Variants in LRMDA observed in about 807,000 individuals in gnomAD.
The protein encoded by LRMDA is leucine-rich melanocyte differentiation-associated protein.
A neutral mutation model predicts 29.8 loss-of-function variants in LRMDA; 18 were observed. The observed-to-expected ratio is 0.60, with a 90% CI of 0.42 to 0.90. The LOEUF is 0.90. Ranked by LOEUF, LRMDA falls within the 40% of genes least tolerant of loss-of-function variation. The pLI is 0.00. For synonymous variants in LRMDA, 125 were observed against 109.4 expected, an observed-to-expected ratio of 1.14 and a Z score of -0.89; for missense variants, 273 against 273.9, an observed-to-expected ratio of 1.00 and a Z score of 0.02.
At chr10:75,567,377 A>G (rs1426741741) in intron 2 of LRMDA, among the ~76,000 whole-genome samples, 2 of 152,160 alleles carry the variant, frequency 1.3e-5, no homozygotes, top group Non-Finnish European at 2.9e-5. Context: ...CTAACTAATG[A>G]TTACTTTTAG....
At chr10:76,518,134 TC>T (rs1414301537) in intron 6 of LRMDA, among the ~76,000 whole-genome samples, 1 of 151,814 alleles carries the variant, frequency 6.6e-6, no homozygotes, top group Admixed American at 6.6e-5. Context: ...CAACTATATA[TC>T]CTTTAAAATA....
intron 5 of LRMDA, among the ~76,000 whole-genome samples, chr10:76,115,290 G>A (rs987088497): frequency 6.6e-6 from 1 of 152,226 alleles, no homozygotes; most frequent in African/African-American, 2.4e-5. Context: ...ATCTTCATTT[G>A]ACTCTTCAGT....
chr10:75,580,422 A>G (rs2132076520), intron 2 of LRMDA, among the ~76,000 whole-genome samples: 1 of 152,336 alleles, frequency 6.6e-6, no homozygotes, highest in South Asian at 2.1e-4. Flanking sequence ...AAAAGAGGAC[A>G]CAAACAAATG....
chr10:76,194,287 T>C (rs1055350645), intron 5 of LRMDA, among the ~76,000 whole-genome samples: 14 of 152,284 alleles, frequency 9.2e-5, no homozygotes, highest in African/African-American at 3.1e-4. Context: ...AGCATCTCAA[T>C]TGCATCCCAT....
chr10:76,183,363 A>T (rs985809168), intron 5 of LRMDA, among the ~76,000 whole-genome samples: 1 of 152,242 alleles, frequency 6.6e-6, no homozygotes, highest in Non-Finnish European at 1.5e-5. Flanking sequence ...GATATTTGCA[A>T]TGCAGTTTAT....
chr10:75,932,414 A>G (rs1190136842), intron 2 of LRMDA, among the ~76,000 whole-genome samples: 1 of 152,142 alleles, frequency 6.6e-6, no homozygotes, highest in East Asian at 1.9e-4. Context: ...GGAGTTCAAG[A>G]CCAGCCTGGC....
intron 5 of LRMDA, among the ~76,000 whole-genome samples, chr10:76,309,574 G>T (rs1025876235): frequency 6.6e-6 from 1 of 152,172 alleles, no homozygotes; most frequent in African/African-American, 2.4e-5. Flanking sequence ...AAGGAGCGCT[G>T]ATCTTGAAAG....
chr10:76,157,491 A>G (rs1268075207), intron 5 of LRMDA, among the ~76,000 whole-genome samples: 9 of 152,058 alleles, frequency 5.9e-5, no homozygotes, highest in Admixed American at 4.6e-4. Context: ...GCATGCACCT[A>G]TAGTCTCAGC....
At chr10:76,521,322 G>C (rs1409597705) in intron 6 of LRMDA, among the ~76,000 whole-genome samples, 2 of 152,044 alleles carry the variant, frequency 1.3e-5, no homozygotes, top group African/African-American at 2.4e-5. Context: ...TTTTAGTAGA[G>C]ACGGGGTTTC....
intron 2 of LRMDA, among the ~76,000 whole-genome samples, chr10:75,916,455 C>A (rs935005068): frequency 6.6e-6 from 1 of 152,046 alleles, no homozygotes; most frequent in Admixed American, 6.5e-5. Flanking sequence ...GCGCCTCATT[C>A]CCCAGGAGGT....
At chr10:75,536,082 C>G (rs1272753782) in intron 2 of LRMDA, among the ~76,000 whole-genome samples, 1 of 152,124 alleles carries the variant, frequency 6.6e-6, no homozygotes, top group Non-Finnish European at 1.5e-5. Flanking sequence ...GCCATGCCGC[C>G]GTCGCTCTGT....
chr10:76,241,028 A>G (rs890102793), intron 5 of LRMDA, among the ~76,000 whole-genome samples: 12 of 152,050 alleles, frequency 7.9e-5, no homozygotes, highest in African/African-American at 2.7e-4. Context: ...ACCAAACATC[A>G]TATGTTATCA....
intron 6 of LRMDA, among the ~76,000 whole-genome samples, chr10:76,470,983 A>G (rs1266865756): frequency 6.6e-6 from 1 of 151,898 alleles, no homozygotes; most frequent in Non-Finnish European, 1.5e-5. Context: ...AATTATATAA[A>G]ATAATATGTA....
At chr10:75,692,219 A>AATAT (rs57600678) in intron 2 of LRMDA, among the ~76,000 whole-genome samples, 97 of 87,560 alleles carry the variant, frequency 1.1e-3, no homozygotes, top group Admixed American at 2.7e-3. Flanking sequence ...AAAAAAAAAA[A>AATAT]ATATATATAT....
At chr10:75,953,316 C>A (rs753902280) in intron 2 of LRMDA, among the ~76,000 whole-genome samples, 1 of 152,098 alleles carries the variant, frequency 6.6e-6, no homozygotes, top group Non-Finnish European at 1.5e-5. Flanking sequence ...TGGCCTCAAG[C>A]GATCCTTCTG....
intron 2 of LRMDA, among the ~76,000 whole-genome samples, chr10:75,461,654 T>C (rs1413699038): frequency 1.3e-5 from 2 of 152,212 alleles, no homozygotes; most frequent in Non-Finnish European, 2.9e-5. Flanking sequence ...ATCTTGAGCA[T>C]CTTGATACAA....
At chr10:76,043,525 T>C (rs560039374) in intron 3 of LRMDA, among the ~76,000 whole-genome samples, 25 of 150,486 alleles carry the variant, frequency 1.7e-4, no homozygotes, top group African/African-American at 5.4e-4. Flanking sequence ...CCACAGATTA[T>C]AGTGTAAATT....
chr10:75,431,830 C>A, intron 1 of LRMDA, 76 bp downstream of exon 1: 2 of 1,253,030 alleles, frequency 1.6e-6, no homozygotes, highest in South Asian at 2.8e-5. Context: ...AGAGGCTCCC[C>A]AGGGCCTAGA....
At chr10:76,490,420 TC>T (rs1564556768) in intron 6 of LRMDA, among the ~76,000 whole-genome samples, 5 of 151,976 alleles carry the variant, frequency 3.3e-5, no homozygotes, top group African/African-American at 1.2e-4. Flanking sequence ...TCTCTCTCTC[TC>T]TCTTTAGCTC....
Sources: gnomAD v4.1 joint callset for allele counts (sites outside exome capture counted in the v4.1 genomes callset) on GRCh38, gnomAD v4.1.1 for gene constraint, MANE v1.5 for transcripts, NCBI Gene and HGNC (gene_info 2026-07-23, HGNC 2026-07-21) for gene names.